REL: variants seen among roughly 807,000 people sequenced by gnomAD.
The protein encoded by REL is REL proto-oncogene, NF-kB subunit.
REL carries 15 observed loss-of-function variants against 45.9 expected under a neutral mutation model. The ratio of observed to expected loss-of-function variants is 0.33; its 90% confidence interval spans 0.22 to 0.50. REL has a LOEUF of 0.50. Among genes scored for constraint, REL ranks in the 20% least tolerant of loss-of-function variants. The pLI is 0.98. For missense variants in REL, 601 were observed against 715.2 expected (o/e 0.84, Z 1.82); for synonymous variants, 239 against 242.1 (o/e 0.99, Z 0.12).
chr2:60,918,400 T>A lies in REL; in HGVS notation c.647T>A (p.Ile216Lys). Residue 216 changes from isoleucine (I) to lysine (K), a missense_variant, in exon 7 of 10, where the codon ATA becomes AAA. Physicochemically the swap from Ile to Lys is moderately radical, Grantham distance 102. This residue lies in a region of REL where 241 missense variants were observed against 347.0 expected (regional missense o/e 0.69). Coordinates refer to ENST00000394479, the MANE Select transcript of REL (RefSeq NM_001291746.2). ...LLCDKVQKDDIEVRFVLNDWE... is the reference protein window; with the variant it reads ...LLCDKVQKDDKEVRFVLNDWE... ...TTGGTTTCTTATTGACTAGATGACA[T>A]AGAAGTTCGTTTTGTGTTGAACGAT... 6.2e-7 allele frequency: 1 copy of A among 1,612,834 alleles called. No individual in the cohort carries two copies. The highest frequency in any genetic ancestry group is 8.5e-7 in the Non-Finnish European group (1 of 1,179,138).
At chr2:60,900,855 C>T (rs995301826) in intron 3 of REL, 137 bp from the exon 4 acceptor site, 3 of 730,244 alleles carry the variant, frequency 4.1e-6, no homozygotes, top group African/African-American at 3.8e-5. Flanking sequence ...TCATCTTTAT[C>T]AGAGCAATTG....
At chr2:60,903,604 A>G (rs902271856) in intron 4 of REL, among the ~76,000 whole-genome samples, 7 of 151,816 alleles carry the variant, frequency 4.6e-5, no homozygotes, top group Admixed American at 3.9e-4. Flanking sequence ...CACAATCTCG[A>G]CTTGCTGCAA....
intron 9 of REL, among the ~76,000 whole-genome samples, chr2:60,921,265 T>A (rs1232474275): frequency 6.6e-6 from 1 of 152,202 alleles, no homozygotes; most frequent in East Asian, 1.9e-4. Context: ...TCTGTAATTT[T>A]TTTCTGACTG....
rs773269011 is a variant in REL at position 60,918,550 on chromosome 2, C to T, written c.797C>T (p.Pro266Leu). ...ACAGTAAAAATGCAGTTGCGGAGAC[C>T]TTCTGACCAGGAAGTTAGTGAATCT... ...PVTVKMQLRR[P>L]SDQEVSESMD... The change falls in exon 7 of 10, where the codon CCT becomes CTT. Residue 266 changes from proline to leucine, a missense_variant. Transcript: ENST00000394479. 1.2e-6 allele frequency: 2 copies of T among 1,614,058 alleles called. No homozygotes were observed. Among genetic ancestry groups the T allele is most frequent in the Non-Finnish European group, 1.7e-6 (2 of 1,179,988 alleles).
chr2:60,898,238 A>G (rs1226370555), intron 3 of REL, among the ~76,000 whole-genome samples: 5 of 152,200 alleles, frequency 3.3e-5, no homozygotes, highest in Non-Finnish European at 7.4e-5. Flanking sequence ...TTAAAATACA[A>G]ATGAAATTGT....
chr2:60,885,453 C>T (rs1251311013), intron 1 of REL, among the ~76,000 whole-genome samples: 1 of 152,046 alleles, frequency 6.6e-6, no homozygotes, highest in Non-Finnish European at 1.5e-5. Flanking sequence ...TTTTTTCCCC[C>T]TTGGTAACAG....
At chr2:60,908,048 T>G (rs574135632) in intron 4 of REL, among the ~76,000 whole-genome samples, 1 of 152,146 alleles carries the variant, frequency 6.6e-6, no homozygotes, top group Non-Finnish European at 1.5e-5. Context: ...TGAGATGCCC[T>G]GAAAGCCTTC....
chr2:60,891,367 G>A (rs1340046239), intron 1 of REL, among the ~76,000 whole-genome samples: 1 of 152,064 alleles, frequency 6.6e-6, no homozygotes. Context: ...GTCTCACGTG[G>A]GAGGCAGATA....
intron 4 of REL, among the ~76,000 whole-genome samples, chr2:60,909,168 T>TA (rs1308983584): frequency 2.6e-5 from 4 of 152,208 alleles, no homozygotes; most frequent in Admixed American, 2.6e-4. Context: ...CTCATCCAGA[T>TA]ACTCATCTCA....
rs992256064 is a variant in REL at position 60,901,192 on chromosome 2, T to C, written c.394+109T>C. 3 of 1,311,364 alleles carry C rather than the reference T, an allele frequency of 2.3e-6. No individual in the cohort carries two copies. In the African/African-American group the frequency reaches 4.8e-5, roughly 21 times the overall value. The allele number at this position is 1,311,364 out of a possible 1,614,324, so 81.2% of individuals were successfully genotyped here. A position where few individuals can be genotyped will look rare whatever the true frequency, so the allele number is the denominator to read the frequency against. Reference sequence around the variant, plus strand: ...TTTTTTTGAGACGGAGTTTTGCTCTTGTCGCCAGGCTGGAGTGCAATGGCG... The same window carrying C: ...TTTTTTTGAGACGGAGTTTTGCTCTCGTCGCCAGGCTGGAGTGCAATGGCG... On this transcript the variant is annotated intron_variant, in intron 4 of 9. Transcript: ENST00000394479.
intron 4 of REL, among the ~76,000 whole-genome samples, chr2:60,914,976 C>T (rs903113681): frequency 2.6e-5 from 4 of 151,822 alleles, no homozygotes; most frequent in South Asian, 2.1e-4. Context: ...GGATTATAGG[C>T]GCCCGCCACC....
chr2:60,899,686 G>GT (rs1673445176), intron 3 of REL: 1 of 152,292 alleles, frequency 6.6e-6, no homozygotes, highest in African/African-American at 2.4e-5. Context: ...TTATAATTGA[G>GT]TTTTGCTTCC....
intron 1 of REL, among the ~76,000 whole-genome samples, chr2:60,884,099 C>CA (rs199826692): frequency 0.012 from 822 of 66,584 alleles, 2 homozygotes; most frequent in Middle Eastern, 0.021. Context: ...GAAGAGTGAC[C>CA]AAAAAAAAAA....
At position 60,881,736 on chromosome 2, in the gene REL, G is replaced by T; in HGVS notation, c.-105G>T. On this transcript the variant is annotated 5_prime_UTR_variant, in exon 1 of 10. Coordinates refer to ENST00000394479, the MANE Select transcript of REL (RefSeq NM_001291746.2). ...GGCCTCTAGGGTGGTCGGGGGACTG[G>T]GGGCCCCGCCGGCAGAGGTCCCTCG... 4.8e-6 allele frequency: 5 copies of T among 1,045,576 alleles called. No individual in the cohort carries two copies. Among genetic ancestry groups the T allele is most frequent in the Admixed American group, 2.3e-5 (1 of 44,354 alleles). 64.8% of individuals were successfully genotyped at this position (1,045,576 alleles called of 1,614,324 possible). A position where few individuals can be genotyped will look rare whatever the true frequency, so the allele number is the denominator to read the frequency against.
At chr2:60,893,955 G>GAAGTGAAATGTCATATATT (rs1426180450) in intron 2 of REL, among the ~76,000 whole-genome samples, 2 of 152,132 alleles carry the variant, frequency 1.3e-5, no homozygotes, top group Non-Finnish European at 2.9e-5. Flanking sequence ...ATATTTTTGT[G>GAAGTGAAATGTCATATATT]AAGTGAAATG....
At chr2:60,893,596 A>G (rs1163604301) in intron 2 of REL, among the ~76,000 whole-genome samples, 2 of 152,172 alleles carry the variant, frequency 1.3e-5, no homozygotes, top group Admixed American at 6.5e-5. Context: ...GTCTTGAGCA[A>G]TTACCTTCTC....
chr2:60,911,994 CAAAAAAAAAAAAAA>C lies in REL; in HGVS notation c.395-4871_395-4858del, dbSNP rs763342298. On this transcript the variant is annotated intron_variant, in intron 4 of 9. Transcript: ENST00000394479. ...GCCTGGGCAAAGAGCAAGACTGTCT[CAAAAAAAAAAAAAA>C]AAAAAAAAAAAGTCATTTTCCCCCA... Among the ~76,000 whole-genome samples, 2 of 37,320 alleles carry C rather than the reference CAAAAAAAAAAAAAA, an allele frequency of 5.4e-5. 1 individual carries two copies. Among genetic ancestry groups the C allele is most frequent in the South Asian group, 1.8e-3 (2 of 1,106 alleles). The allele number at this position is 37,320 out of a possible 152,430, so 24.5% of individuals were successfully genotyped here.
At chr2:60,908,994 G>T (rs13031237) in intron 4 of REL, among the ~76,000 whole-genome samples, 38,186 of 152,098 alleles carry the variant, frequency 0.25, 6,086 homozygotes, top group Non-Finnish European at 0.37. Context: ...TGGCTCATGT[G>T]TACTTCATTG....
Position 60,918,614 on chromosome 2 carries a change from A to AT in REL, c.853+12dup, listed in dbSNP as rs1209408204. Reference sequence around the variant, plus strand: ...ATCTGCCAGATGAAAAAGGTATGACATTTTGCTGGTAATAATTTATATATT... The same window carrying AT: ...ATCTGCCAGATGAAAAAGGTATGACATTTTTGCTGGTAATAATTTATATATT... On this transcript the variant is annotated intron_variant, in intron 7 of 9. Coordinates refer to ENST00000394479, the MANE Select transcript of REL (RefSeq NM_001291746.2). 6.3e-7 allele frequency: 1 copy of AT among 1,579,674 alleles called. No individual in the cohort carries two copies. The highest frequency in any genetic ancestry group is 1.3e-5 in the African/African-American group (1 of 74,292).
Sources: allele counts gnomAD v4.1 joint callset (sites outside exome capture counted in the v4.1 genomes callset), GRCh38; gene constraint gnomAD v4.1.1; regional missense constraint gnomAD v4.1.1; transcripts MANE v1.5; gene names NCBI Gene and HGNC (gene_info 2026-07-23, HGNC 2026-07-21).